RUBCN: variants seen among roughly 807,000 people sequenced by gnomAD.
RUBCN encodes run domain Beclin-1-interacting and cysteine-rich domain-containing protein.
In RUBCN, 74 loss-of-function variants were observed where a neutral mutation model predicts 113.2. The observed-to-expected ratio is 0.65, with a 90% confidence interval of 0.54 to 0.79. The LOEUF (loss-of-function observed/expected upper bound fraction) is 0.79. Ranked by LOEUF, RUBCN falls within the 30% of genes least tolerant of loss-of-function variation. RUBCN has a pLI of 0.00. For synonymous variants in RUBCN, 480 were observed against 490.0 expected, an observed-to-expected ratio of 0.98 and a Z score of 0.27; for missense variants, 1,109 against 1,251.7, an observed-to-expected ratio of 0.89 and a Z score of 1.72.
chr3:197,698,393 T>C (rs186353208), intron 7 of RUBCN, among the ~76,000 whole-genome samples: 1 of 152,306 alleles, frequency 6.6e-6, no homozygotes, highest in East Asian at 1.9e-4. Flanking sequence ...TTCATGTCCA[T>C]GAATTATGGT....
At chr3:197,714,050 T>G (rs1725252598) in intron 2 of RUBCN, among the ~76,000 whole-genome samples, 1 of 151,880 alleles carries the variant, frequency 6.6e-6, no homozygotes, top group Non-Finnish European at 1.5e-5. Flanking sequence ...CACTCCAGCC[T>G]GGGCGACAGA....
At chr3:197,690,392 T>C (rs1005726521) in intron 11 of RUBCN, among the ~76,000 whole-genome samples, 2 of 152,176 alleles carry the variant, frequency 1.3e-5, no homozygotes, top group Non-Finnish European at 2.9e-5. Flanking sequence ...GAGCCGAGAT[T>C]GCGCCATTGC....
rs1396139828 is a variant in RUBCN, at chr3:197,749,568, A to G, written c.-415T>C. The stretch of plus-strand genomic sequence containing the variant: ...CGGTGGGCGCGAAAGGCTCGTGTGT[A>G]CCGAAGTATAGGGGACCTGTCTGCA... On this transcript the variant is annotated 5_prime_UTR_variant, in exon 1 of 21. Transcript: ENST00000273582. 7 of 1,290,636 alleles carry G rather than the reference A, an allele frequency of 5.4e-6. No homozygotes were observed. In the Admixed American group the frequency reaches 1.6e-4, roughly 30 times the overall value. The allele number at this position is 1,290,636 out of a possible 1,614,324, so 79.9% of individuals were successfully genotyped here.
intron 1 of RUBCN, among the ~76,000 whole-genome samples, chr3:197,734,295 A>G (rs1401126927): frequency 2.0e-5 from 3 of 149,502 alleles, no homozygotes; most frequent in South Asian, 2.1e-4. Context: ...TTGGGCCGGC[A>G]TGGTCGCTCA....
chr3:197,691,769 C>G (rs1366504483), intron 11 of RUBCN, among the ~76,000 whole-genome samples: 1 of 152,060 alleles, frequency 6.6e-6, no homozygotes, highest in African/African-American at 2.4e-5. Flanking sequence ...GAATTTACCT[C>G]ACTATTCTCC....
At chr3:197,738,266 A>G (rs1359277256), upstream of RUBCN, among the ~76,000 whole-genome samples, 2 of 152,222 alleles carry the variant, frequency 1.3e-5, no homozygotes, top group Non-Finnish European at 1.5e-5. Context: ...GGCTCAGATT[A>G]CAGCAATGTG....
chr3:197,729,318 T>C (rs1468121454), intron 1 of RUBCN, among the ~76,000 whole-genome samples: 1 of 151,856 alleles, frequency 6.6e-6, no homozygotes, highest in African/African-American at 2.4e-5. Context: ...AGCGGCGCGA[T>C]CTCGGCTCAC....
intron 1 of RUBCN, among the ~76,000 whole-genome samples, chr3:197,745,526 A>C (rs1238088002): frequency 1.3e-5 from 2 of 151,782 alleles, no homozygotes; most frequent in African/African-American, 4.8e-5. Context: ...AAGGCAGGAG[A>C]ATTTCTTGAA....
chr3:197,720,128 A>T (rs1216527055), intron 1 of RUBCN, among the ~76,000 whole-genome samples: 1 of 151,568 alleles, frequency 6.6e-6, no homozygotes, highest in Non-Finnish European at 1.5e-5. Flanking sequence ...CCTCCTGCCT[A>T]ACTACAACCA....
chr3:197,681,901 T>C lies in RUBCN; in HGVS notation c.2127-2A>G. The C allele has an allele frequency of 6.2e-7, 1 of 1,613,324 alleles. No individual in the cohort carries two copies. Among genetic ancestry groups the C allele is most frequent in the Non-Finnish European group, 8.5e-7 (1 of 1,179,486 alleles). ...TGCTTGGCCACGGCAATTTTCCTCC[T>C]GAGGAAGGGTAAGGACAGGGCATTG... On this transcript the variant is annotated splice_acceptor_variant, in intron 14 of 19. Transcript: ENST00000296343. LOFTEE classifies it high-confidence loss of function. This position sits in a 1 kb window ranked among gnomAD's most constrained non-coding sequence, Gnocchi z 5.5.
Position 197,736,856 on chromosome 3 carries a change from C to A in RUBCN, c.-137G>T. 7.2e-7 allele frequency: 1 copy of A among 1,383,146 alleles called. No individual in the cohort carries two copies. Among genetic ancestry groups the A allele is most frequent in the South Asian group, 1.6e-5 (1 of 61,406 alleles). The allele number at this position is 1,383,146 out of a possible 1,614,324, so 85.7% of individuals were successfully genotyped here. Reference sequence around the variant, plus strand: ...CGGGTGATGCGCTACACCCGGGCGGCGACAGCGGGAGGGACCGCCGCCTGG... The same window carrying A: ...CGGGTGATGCGCTACACCCGGGCGGAGACAGCGGGAGGGACCGCCGCCTGG... On this transcript the variant is annotated 5_prime_UTR_variant, in exon 1 of 20. Coordinates refer to ENST00000296343, the MANE Select transcript of RUBCN (RefSeq NM_014687.4).
chr3:197,749,561 C>T (rs1171343123), exon 1 of RUBCN: 2 of 1,291,666 alleles, frequency 1.5e-6, no homozygotes, highest in African/African-American at 1.5e-5. Context: ...GCGAAAGGCT[C>T]GTGTGTACCG....
At chr3:197,722,148 CAGG>C (rs747046733) in intron 1 of RUBCN, among the ~76,000 whole-genome samples, 2 of 151,590 alleles carry the variant, frequency 1.3e-5, no homozygotes, top group Non-Finnish European at 2.9e-5. Flanking sequence ...GAGGCTGAGG[CAGG>C]AGAATTGCTT....
intron 2 of RUBCN, among the ~76,000 whole-genome samples, chr3:197,716,879 G>A (rs1725576656): frequency 6.6e-6 from 1 of 152,128 alleles, no homozygotes; most frequent in Non-Finnish European, 1.5e-5. Context: ...TCAGCACTTT[G>A]GGAGGCTAAG....
chr3:197,683,229 A>C lies in RUBCN; in HGVS notation c.1980+78T>G. 6.4e-7 allele frequency: 1 copy of C among 1,558,778 alleles called. No homozygotes were observed. Among genetic ancestry groups the C allele is most frequent in the East Asian group, 2.2e-5 (1 of 44,636 alleles). On this transcript the variant is annotated intron_variant, in intron 13 of 19. Transcript: ENST00000296343. This position sits in a 1 kb window ranked among gnomAD's most constrained non-coding sequence, Gnocchi z 4.6. ...GGAACACCCAGGCTCATTCCAGACTAGGGACATGTGACGAAGGAAAACAAG... is the reference window on the plus strand; with the variant it reads ...GGAACACCCAGGCTCATTCCAGACTCGGGACATGTGACGAAGGAAAACAAG...
intron 16 of RUBCN, among the ~76,000 whole-genome samples, chr3:197,677,787 C>A (rs1160813870): frequency 2.1e-5 from 3 of 143,124 alleles, no homozygotes; most frequent in African/African-American, 5.2e-5. Context: ...TAACTCGACA[C>A]CTGGCTTCAG....
rs913881797 is a variant in RUBCN, at chr3:197,701,955, G to A, written c.571-91C>T. The A allele has an allele frequency of 4.5e-5, 55 of 1,220,316 alleles. No homozygotes were observed. The African/African-American group carries it at 7.5e-4, about 17-fold the overall frequency. 75.6% of individuals were successfully genotyped at this position (1,220,316 alleles called of 1,614,324 possible). On this transcript the variant is annotated intron_variant, in intron 5 of 19. Coordinates refer to ENST00000296343, the MANE Select transcript of RUBCN (RefSeq NM_014687.4). ...AACGCAGTACTGCAGAAATGCCATA[G>A]AAGCTACCTTTGCAGTAGGCCTGGA... is the stretch of plus-strand genomic sequence containing the variant.
rs911779530 is a variant in RUBCN at position 197,670,957 on chromosome 3, G to A, written c.*4061C>T. ...GCAGAGACTTGGTGAGCACTAAGAGGGGAGGTAGAGGTGGTCACAATCCCG... is the reference window on the plus strand; with the variant it reads ...GCAGAGACTTGGTGAGCACTAAGAGAGGAGGTAGAGGTGGTCACAATCCCG... On this transcript the variant is annotated 3_prime_UTR_variant, in exon 20 of 20. Coordinates refer to ENST00000296343, the MANE Select transcript of RUBCN (RefSeq NM_014687.4). Among the ~76,000 whole-genome samples the A allele has an allele frequency of 6.6e-6, 1 of 152,222 alleles. No homozygotes were observed. Among genetic ancestry groups the A allele is most frequent in the Non-Finnish European group, 1.5e-5 (1 of 68,044 alleles).
intron 11 of RUBCN, among the ~76,000 whole-genome samples, chr3:197,692,585 CAG>C (rs954846391): frequency 6.6e-6 from 1 of 151,926 alleles, no homozygotes; most frequent in Non-Finnish European, 1.5e-5. Context: ...TAGTTAGTGT[CAG>C]AGCTAAATTG....
Sources: allele counts gnomAD v4.1 joint callset (sites outside exome capture counted in the v4.1 genomes callset), GRCh38; gene constraint gnomAD v4.1.1; non-coding constraint Gnocchi (gnomAD v3.1); transcripts MANE v1.5; gene names NCBI Gene and HGNC (gene_info 2026-07-23, HGNC 2026-07-21).